The following DPP6 variants were observed in gnomAD, a reference collection of about 807,000 sequenced individuals.
DPP6 encodes the protein A-type potassium channel modulatory protein DPP6.
DPP6 carries 69 observed loss-of-function variants against 122.6 expected under a neutral mutation model. That is an observed-to-expected ratio of 0.56 (90% CI 0.46 to 0.69). The LOEUF is 0.69. DPP6 is among the 30% of genes least tolerant of loss of function. The probability of loss-of-function intolerance (pLI) is 0.00; values close to 1 mark genes in which losing one functional copy is unlikely to be tolerated. For synonymous variants in DPP6, 418 were observed against 433.1 expected (o/e 0.97, Z 0.43); for missense variants, 928 against 1,116.9 (o/e 0.83, Z 2.41).
intron 6 of DPP6, among the ~76,000 whole-genome samples, chr7:154,643,239 A>ATT (rs142028442): frequency 2.0e-5 from 3 of 151,888 alleles, no homozygotes; most frequent in Non-Finnish European, 2.9e-5. Context: ...ATACTCAATA[A>ATT]TTTTTTTTAT....
At chr7:154,238,580 C>G (rs1263386132) in intron 1 of DPP6, among the ~76,000 whole-genome samples, 1 of 152,128 alleles carries the variant, frequency 6.6e-6, no homozygotes, top group Non-Finnish European at 1.5e-5. Context: ...ACCAAGATAG[C>G]CACTGCCACG....
rs574588067 is a variant in DPP6, at chr7:154,083,003, C to T, written c.243+29940C>T. Among the ~76,000 whole-genome samples the T allele has an allele frequency of 4.3e-4, 66 of 152,102 alleles. 2 individuals are homozygous for T. Among genetic ancestry groups the T allele is most frequent in the Non-Finnish European group, 7.2e-4 (49 of 67,982 alleles). On this transcript the variant is annotated intron_variant, in intron 1 of 25. Transcript: ENST00000377770. ...AGCTGGGACTGCAGGCGCCCGCCACCATGCCCGGCTAATTTTTTGTATTTT... is the reference window on the plus strand; with the variant it reads ...AGCTGGGACTGCAGGCGCCCGCCACTATGCCCGGCTAATTTTTTGTATTTT...
At chr7:153,904,498 C>T (rs771728082) in intron 1 of DPP6, among the ~76,000 whole-genome samples, 1 of 152,134 alleles carries the variant, frequency 6.6e-6, no homozygotes, top group Non-Finnish European at 1.5e-5. Flanking sequence ...TATTAAAAGG[C>T]TTGAGGGGGA....
chr7:154,217,250 G>A (rs965269997), intron 1 of DPP6, among the ~76,000 whole-genome samples: 10 of 152,116 alleles, frequency 6.6e-5, no homozygotes, highest in Non-Finnish European at 1.5e-4. Flanking sequence ...GCATTGGTGC[G>A]GGTTACTTCA....
chr7:153,885,584 C>T (rs1197647744), upstream of DPP6, among the ~76,000 whole-genome samples: 1 of 152,112 alleles, frequency 6.6e-6, no homozygotes, highest in Non-Finnish European at 1.5e-5. Flanking sequence ...TTCCAGCCTC[C>T]AGAACTGTGA....
intron 2 of DPP6, among the ~76,000 whole-genome samples, chr7:154,453,432 G>A (rs1028830304): frequency 2.6e-5 from 4 of 151,942 alleles, no homozygotes; most frequent in African/African-American, 9.7e-5. Flanking sequence ...GTCTGTGACC[G>A]CATTGCCAAC....
intron 1 of DPP6, among the ~76,000 whole-genome samples, chr7:154,274,892 G>A (rs977696173): frequency 6.6e-6 from 1 of 152,198 alleles, no homozygotes; most frequent in African/African-American, 2.4e-5. Flanking sequence ...TTAAATACGA[G>A]CCCTTCATCT....
the DPP6 span, among the ~76,000 whole-genome samples, chr7:153,777,039 A>G: frequency 6.6e-6 from 1 of 152,236 alleles, no homozygotes; most frequent in Admixed American, 6.5e-5. Context: ...TCCTAACAGT[A>G]AGAAAATGAC....
intron 7 of DPP6, among the ~76,000 whole-genome samples, chr7:154,679,096 A>G (rs1839120855): frequency 6.6e-6 from 1 of 152,222 alleles, no homozygotes; most frequent in African/African-American, 2.4e-5. Flanking sequence ...AACGCAGGAT[A>G]GAGACAGAAG....
Position 154,282,043 on chromosome 7 carries a change from C to T in DPP6, c.244-164171C>T, listed in dbSNP as rs1804549663. Among the ~76,000 whole-genome samples, 1 of 152,146 alleles carries T rather than the reference C, an allele frequency of 6.6e-6. No homozygotes were observed. On this transcript the variant is annotated intron_variant, in intron 1 of 25. Coordinates refer to ENST00000377770, the MANE Select transcript of DPP6 (RefSeq NM_130797.4). The surrounding 1 kb of genome is among the most constrained non-coding windows in gnomAD (Gnocchi z 4.8). ...ACCTTTCAACACCTCTGTTTCCTCC[C>T]CTGTCCAATGGGGAGATTGACCTCA...
intron 11 of DPP6, among the ~76,000 whole-genome samples, chr7:154,794,824 G>A (rs1261557741): frequency 0.023 from 3 of 132 alleles, no homozygotes; most frequent in African/African-American, 0.11. Flanking sequence ...GCCCCCAGAA[G>A]CAGGTCACCT....
the DPP6 span, among the ~76,000 whole-genome samples, chr7:153,800,316 CG>C: frequency 6.6e-6 from 1 of 151,952 alleles, no homozygotes; most frequent in African/African-American, 2.4e-5. Context: ...TGAAATAAAC[CG>C]GGCACAAAAA....
At chr7:154,637,026 A>C (rs539742302) in intron 5 of DPP6, among the ~76,000 whole-genome samples, 1 of 152,320 alleles carries the variant, frequency 6.6e-6, no homozygotes, top group South Asian at 2.1e-4. Context: ...CGTATGTTCG[A>C]CAAGGTCTCT....
chr7:153,823,722 T>C, the DPP6 span, among the ~76,000 whole-genome samples: 1 of 151,906 alleles, frequency 6.6e-6, no homozygotes, highest in East Asian at 1.9e-4. Context: ...TCGTAGCCGT[T>C]ACATGACTAT....
chr7:154,255,166 A>G (rs1802579570), intron 1 of DPP6, among the ~76,000 whole-genome samples: 1 of 152,016 alleles, frequency 6.6e-6, no homozygotes, highest in Non-Finnish European at 1.5e-5. Flanking sequence ...GGTCCGTCCG[A>G]GGGGTGGAGG....
intron 1 of DPP6, among the ~76,000 whole-genome samples, chr7:154,377,256 G>A (rs1479515474): frequency 6.6e-6 from 1 of 152,194 alleles, no homozygotes; most frequent in Admixed American, 6.5e-5. Context: ...TCCAAGAAGA[G>A]GGAAGAGCAA....
At chr7:154,402,612 G>A (rs1055372454) in intron 1 of DPP6, among the ~76,000 whole-genome samples, 1 of 136,298 alleles carries the variant, frequency 7.3e-6, no homozygotes, top group Admixed American at 7.4e-5. Context: ...TTGGGGGGAG[G>A]GGGGAGGGAT....
chr7:154,545,096 C>T (rs1829060889), intron 4 of DPP6, among the ~76,000 whole-genome samples: 2 of 152,202 alleles, frequency 1.3e-5, no homozygotes, highest in African/African-American at 4.8e-5. Context: ...AATAAAAAAT[C>T]AAACCTAAGC....
chr7:154,152,072 G>A (rs893404435), intron 1 of DPP6, among the ~76,000 whole-genome samples: 9 of 151,028 alleles, frequency 6.0e-5, no homozygotes, highest in African/African-American at 2.2e-4. Flanking sequence ...CACACTGTTG[G>A]ACTCTTTTAT....
Sources: gnomAD v4.1 joint callset for allele counts (sites outside exome capture counted in the v4.1 genomes callset) on GRCh38, gnomAD v4.1.1 for gene constraint, Gnocchi (gnomAD v3.1) non-coding constraint, MANE v1.5 for transcripts, NCBI Gene and HGNC (gene_info 2026-07-23, HGNC 2026-07-21) for gene names.